Variants in DPYD observed in about 807,000 individuals in gnomAD.
DPYD encodes dihydropyrimidine dehydrogenase.
DPYD carries 109 observed loss-of-function variants against 116.2 expected under a neutral mutation model. The observed-to-expected ratio is 0.94, with a 90% CI of 0.80 to 1.10. The LOEUF is 1.10. Ranked by LOEUF, DPYD falls within the 50% of genes least tolerant of loss-of-function variation. The probability of loss-of-function intolerance (pLI) is 0.00; values close to 1 mark genes in which losing one functional copy is unlikely to be tolerated. For synonymous variants in DPYD, 440 were observed against 432.0 expected (o/e 1.02, Z -0.23); for missense variants, 1,302 against 1,254.5 (o/e 1.04, Z -0.57).
chr1:97,700,917 G>A (rs1325331863), intron 5 of DPYD, among the ~76,000 whole-genome samples: 1 of 150,082 alleles, frequency 6.7e-6, no homozygotes, highest in East Asian at 1.9e-4. Flanking sequence ...GGAGGGAGTG[G>A]GATTTTAAAA....
chr1:97,148,461 C>G (rs1654792116), intron 20 of DPYD, among the ~76,000 whole-genome samples: 1 of 151,978 alleles, frequency 6.6e-6, no homozygotes. Flanking sequence ...AATCAAAAGT[C>G]TGATTTTATT....
intron 20 of DPYD, among the ~76,000 whole-genome samples, chr1:97,132,136 A>T (rs1570517038): frequency 6.6e-6 from 1 of 152,170 alleles, no homozygotes; most frequent in East Asian, 1.9e-4. Flanking sequence ...ACACATACAC[A>T]ATGTAATTCC....
At chr1:97,616,232 A>G (rs1196559985) in intron 8 of DPYD, among the ~76,000 whole-genome samples, 9 of 151,898 alleles carry the variant, frequency 5.9e-5, no homozygotes, top group Admixed American at 5.9e-4. Context: ...GTATTCAATT[A>G]ATGTTAGTCT....
intron 4 of DPYD, among the ~76,000 whole-genome samples, chr1:97,722,849 T>C (rs1320245425): frequency 6.6e-6 from 1 of 151,528 alleles, no homozygotes; most frequent in African/African-American, 2.4e-5. Flanking sequence ...TCTCTCACTA[T>C]ATAGGATGTC....
intron 14 of DPYD, among the ~76,000 whole-genome samples, chr1:97,400,263 G>A (rs576659371): frequency 3.0e-4 from 45 of 152,230 alleles, no homozygotes; most frequent in South Asian, 6.2e-4. Context: ...ATTCATTTGC[G>A]TATGTTGAAC....
chr1:97,142,081 A>G (rs1654266473), intron 20 of DPYD, among the ~76,000 whole-genome samples: 1 of 152,304 alleles, frequency 6.6e-6, no homozygotes, highest in African/African-American at 2.4e-5. Context: ...GAAGCACTCA[A>G]GGTTTATACT....
intron 2 of DPYD, chr1:97,855,006 A>C (rs1670748284): frequency 6.6e-6 from 1 of 152,198 alleles, no homozygotes; most frequent in African/African-American, 2.4e-5. Context: ...AGCCTCCTGC[A>C]TATCTCAGGG....
intron 5 of DPYD, 104 bp from the exon 6 acceptor site, chr1:97,699,651 C>A: frequency 8.8e-7 from 1 of 1,139,314 alleles, no homozygotes; most frequent in Non-Finnish European, 1.3e-6. Flanking sequence ...TAGCAATGAG[C>A]AGTACATTTT....
intron 5 of DPYD, among the ~76,000 whole-genome samples, chr1:97,709,076 A>G (rs1662141463): frequency 1.3e-5 from 2 of 151,964 alleles, no homozygotes; most frequent in Admixed American, 1.3e-4. Flanking sequence ...ACCTGCTAAC[A>G]AAGACAGTTT....
At chr1:97,797,795 A>G (rs1667646974) in intron 3 of DPYD, 1 of 152,124 alleles carries the variant, frequency 6.6e-6, no homozygotes, top group South Asian at 2.1e-4. Flanking sequence ...ACCCTTCAAA[A>G]CATAGTAAGC....
rs561914671 is a variant in DPYD at position 97,079,261 on chromosome 1, G to A, written c.2908-115C>T. 6.4e-4 allele frequency: 693 copies of A among 1,075,996 alleles called. 1 individual carries two copies. The highest frequency in any genetic ancestry group is 9.4e-4 in the Non-Finnish European group (651 of 695,512). The allele number at this position is 1,075,996 out of a possible 1,614,324, so 66.7% of individuals were successfully genotyped here. A position where few individuals can be genotyped will look rare whatever the true frequency, so the allele number is the denominator to read the frequency against. ...AGGAGCCACACTATGAGACAACTAC[G>A]TCCAGCTCTATGGTGCAACTATAGC... On this transcript the variant is annotated intron_variant, in intron 22 of 22. Transcript: ENST00000370192.
intron 18 of DPYD, among the ~76,000 whole-genome samples, chr1:97,291,937 T>G (rs1357624808): frequency 6.6e-6 from 1 of 152,192 alleles, no homozygotes; most frequent in Non-Finnish European, 1.5e-5. Context: ...ACCAAAGATA[T>G]ATATTTTTCA....
intron 19 of DPYD, among the ~76,000 whole-genome samples, chr1:97,224,004 A>T (rs1161122105): frequency 6.6e-6 from 1 of 152,050 alleles, no homozygotes. Flanking sequence ...TTTAACAGGA[A>T]GGTTTTTATA....
In DPYD at chr1:97,686,135, T is replaced by C. The variant is rs538397878; in HGVS notation, c.762+5582A>G. 2.6e-5 allele frequency among the ~76,000 whole-genome samples: 4 copies of C among 152,108 alleles called. No individual in the cohort carries two copies. The South Asian group carries it at 6.2e-4, about 24-fold the overall frequency. The stretch of plus-strand genomic sequence containing the variant: ...ATGGTACTGGAAAAAAATAAACACA[T>C]AGACCAATGGAACAGAACAGAGATC... On this transcript the variant is annotated intron_variant, in intron 7 of 22. Coordinates refer to ENST00000370192, the MANE Select transcript of DPYD (RefSeq NM_000110.4).
At chr1:97,675,897 C>T (rs1305784822) in intron 8 of DPYD, among the ~76,000 whole-genome samples, 1 of 151,776 alleles carries the variant, frequency 6.6e-6, no homozygotes, top group African/African-American at 2.4e-5. Context: ...TACAGGTGCA[C>T]ACCACCACAC....
At chr1:97,676,700 A>G (rs1397148106) in intron 8 of DPYD, among the ~76,000 whole-genome samples, 4 of 152,196 alleles carry the variant, frequency 2.6e-5, no homozygotes, top group Admixed American at 6.6e-5. Flanking sequence ...TGGCTGTCCA[A>G]GTAACCGCCA....
chr1:97,786,000 T>A (rs1286867385), intron 3 of DPYD, among the ~76,000 whole-genome samples: 1 of 151,344 alleles, frequency 6.6e-6, no homozygotes, highest in African/African-American at 2.4e-5. Context: ...GCCGGGCCAC[T>A]GACTCTTGAC....
chr1:97,201,274 C>T (rs1175901091), intron 19 of DPYD, among the ~76,000 whole-genome samples: 15 of 151,998 alleles, frequency 9.9e-5, no homozygotes, highest in Admixed American at 7.9e-4. Context: ...AACTAAATTT[C>T]TCCTGTTTTC....
At chr1:97,136,653 A>C (rs542199031) in intron 20 of DPYD, among the ~76,000 whole-genome samples, 2 of 152,286 alleles carry the variant, frequency 1.3e-5, no homozygotes, top group South Asian at 4.1e-4. Flanking sequence ...AGAAGGTCAC[A>C]AATTGTGCTG....
Sources: gnomAD v4.1 joint callset for allele counts (sites outside exome capture counted in the v4.1 genomes callset) on GRCh38, gnomAD v4.1.1 for gene constraint, MANE v1.5 for transcripts, NCBI Gene and HGNC (gene_info 2026-07-23, HGNC 2026-07-21) for gene names.